Variants in PLBD2 observed in about 807,000 individuals in gnomAD.
PLBD2 encodes the protein phospholipase B domain containing 2.
A neutral mutation model predicts 68.3 loss-of-function variants in PLBD2; 51 were observed. The observed-to-expected ratio is 0.75, with a 90% CI of 0.60 to 0.94. The LOEUF (loss-of-function observed/expected upper bound fraction) is 0.94, where lower values mean the gene tolerates loss of function less well. Ranked by LOEUF, PLBD2 falls within the 40% of genes least tolerant of loss-of-function variation. PLBD2 has a pLI of 0.00. For synonymous variants in PLBD2, 314 were observed against 339.3 expected (o/e 0.93, Z 0.82); for missense variants, 729 against 792.2 (o/e 0.92, Z 0.96).
intron 1 of PLBD2, among the ~76,000 whole-genome samples, chr12:113,362,807 A>G (rs1957307127): frequency 6.7e-6 from 1 of 149,900 alleles, no homozygotes; most frequent in Admixed American, 6.7e-5. Flanking sequence ...TTTTTTTGAG[A>G]TAGAGTCTGC....
chr12:113,359,406 G>A (rs1432003964), intron 1 of PLBD2: 1 of 153,184 alleles, frequency 6.5e-6, no homozygotes, highest in Admixed American at 6.5e-5. Flanking sequence ...ACTGAACCTG[G>A]GTTCCAGGCT....
intron 5 of PLBD2, among the ~76,000 whole-genome samples, chr12:113,379,950 G>T (rs182818462): frequency 2.4e-4 from 37 of 152,308 alleles, no homozygotes; most frequent in African/African-American, 8.7e-4. Context: ...GACTCCAGGA[G>T]CCCCTGTGGA....
intron 1 of PLBD2, chr12:113,359,309 C>T (rs1400864519): frequency 6.0e-6 from 1 of 166,386 alleles, no homozygotes; most frequent in Non-Finnish European, 1.3e-5. Context: ...GATGAGAACT[C>T]AGCAGGAGAC....
Position 113,390,539 on chromosome 12 carries a change from C to G in PLBD2, c.*1913C>G, listed in dbSNP as rs897281461. The stretch of plus-strand genomic sequence containing the variant: ...TTTTTCCATCCATCTACCCATCCAC[C>G]CATTCACTCATCCATCCACCTTCCT... On this transcript the variant is annotated 3_prime_UTR_variant, in exon 12 of 12. Transcript: ENST00000280800. 3 of 151,634 alleles carry G rather than the reference C, an allele frequency of 2.0e-5. No homozygotes were observed. The highest frequency in any genetic ancestry group is 7.3e-5 in the African/African-American group (3 of 41,216). 9.4% of individuals were successfully genotyped at this position (151,634 alleles called of 1,614,324 possible).
intron 8 of PLBD2, 91 bp downstream of exon 8, chr12:113,385,037 T>A (rs927696346): frequency 7.2e-7 from 1 of 1,384,964 alleles, no homozygotes; most frequent in African/African-American, 1.4e-5. Flanking sequence ...GTGCAGGAAG[T>A]GAACGATCTC....
Position 113,358,741 on chromosome 12 carries a change from C to A in PLBD2, c.141C>A (p.Gly47=), listed in dbSNP as rs1429564599. The change falls in exon 1 of 12, where the codon GGC becomes GGA. Residue 47 remains glycine, a synonymous_variant. Coordinates refer to ENST00000280800, the MANE Select transcript of PLBD2 (RefSeq NM_173542.4). Reference sequence around the variant, plus strand: ...CGGGGGCGATCCCAGCGCCGGGGGGCCGCTGGGCGCGCGATGGGCAGGTCC... The same window carrying A: ...CGGGGGCGATCCCAGCGCCGGGGGGACGCTGGGCGCGCGATGGGCAGGTCC... ...GLAGAIPAPG[G]RWARDGQVPP... is the part of the protein sequence containing the mutation. 7.2e-7 allele frequency: 1 copy of A among 1,391,758 alleles called. No homozygotes were observed. 86.2% of individuals were successfully genotyped at this position (1,391,758 alleles called of 1,614,324 possible). A position where few individuals can be genotyped will look rare whatever the true frequency, so the allele number is the denominator to read the frequency against.
At chr12:113,385,129 C>T in intron 8 of PLBD2, 83 bp from the exon 9 acceptor site, 2 of 1,465,086 alleles carry the variant, frequency 1.4e-6, no homozygotes, top group Admixed American at 1.8e-5. Context: ...CAATGGGGAG[C>T]CATCGGGGCT....
intron 6 of PLBD2, among the ~76,000 whole-genome samples, chr12:113,382,835 T>TTTTTTTGTGTGTG (rs1335785271): frequency 1.9e-5 from 2 of 106,536 alleles, no homozygotes; most frequent in African/African-American, 7.7e-5. Context: ...TGGTGGTTTT[T>TTTTTTTGTGTGTG]TGTGTGTGTG....
rs902143606 is a variant in PLBD2 at position 113,389,597 on chromosome 12, C to G, written c.*971C>G. On this transcript the variant is annotated 3_prime_UTR_variant, in exon 12 of 12. Transcript: ENST00000280800. ...CACCCACCCATCCGTCTTCCATCATCCATCCATCCATCTACCTATCCATTT... is the reference window on the plus strand; with the variant it reads ...CACCCACCCATCCGTCTTCCATCATGCATCCATCCATCTACCTATCCATTT... 1.3e-5 allele frequency: 2 copies of G among 152,038 alleles called. No homozygotes were observed. Among genetic ancestry groups the G allele is most frequent in the African/African-American group, 2.4e-5 (1 of 41,342 alleles). 9.4% of individuals were successfully genotyped at this position (152,038 alleles called of 1,614,324 possible).
rs767569841 is a variant in PLBD2, at chr12:113,384,631, AC to A, written c.1119-218del. Among the ~76,000 whole-genome samples, 10 of 152,140 alleles carry A rather than the reference AC, an allele frequency of 6.6e-5. No individual in the cohort carries two copies. Among genetic ancestry groups the A allele is most frequent in the Non-Finnish European group, 1.0e-4 (7 of 68,014 alleles). On this transcript the variant is annotated intron_variant, in intron 7 of 11. Transcript: ENST00000280800. This position sits in a 1 kb window ranked among gnomAD's most constrained non-coding sequence, Gnocchi z 4.2. ...CTTACAGCATCCGGCAGAGGAGCTG[AC>A]CTAGGGAGCCACAGAATATTCTGGA...
chr12:113,369,058 C>T (rs1440496416), intron 1 of PLBD2, 58 bp from the exon 2 acceptor site: 14 of 1,184,830 alleles, frequency 1.2e-5, no homozygotes, highest in Non-Finnish European at 1.2e-6. Flanking sequence ...CCTGGAGATG[C>T]CATGTGTCTA....
At chr12:113,360,463 A>G (rs1331215032) in intron 1 of PLBD2, among the ~76,000 whole-genome samples, 3 of 152,284 alleles carry the variant, frequency 2.0e-5, no homozygotes, top group Admixed American at 1.3e-4. Flanking sequence ...GCTCTTGACT[A>G]TGGTAAACAT....
At chr12:113,381,793 C>T (rs978863123) in intron 6 of PLBD2, among the ~76,000 whole-genome samples, 3 of 151,588 alleles carry the variant, frequency 2.0e-5, no homozygotes, top group Non-Finnish European at 4.4e-5. Flanking sequence ...TGGCCCTCTT[C>T]TCAGAATAGT....
In PLBD2 at chr12:113,384,532, G is replaced by T. The variant is rs1957530179; in HGVS notation, c.1118+267G>T. Among the ~76,000 whole-genome samples, 1 of 152,208 alleles carries T rather than the reference G, an allele frequency of 6.6e-6. No individual in the cohort carries two copies. The highest frequency in any genetic ancestry group is 2.4e-5 in the African/African-American group (1 of 41,450). ...GACTCTCAAGGGGACAGTGGGGAGG[G>T]CTGTTTGAGGAGGTGGACGTGGGTG... is the stretch of plus-strand genomic sequence containing the variant. On this transcript the variant is annotated intron_variant, in intron 7 of 11. Transcript: ENST00000280800. This position sits in a 1 kb window ranked among gnomAD's most constrained non-coding sequence, Gnocchi z 4.2.
Position 113,372,701 on chromosome 12 carries a change from A to G in PLBD2, c.437A>G (p.Glu146Gly). Residue 146 changes from glutamate to glycine, a missense_variant, in exon 3 of 12, where the codon GAG becomes GGG. Physicochemically the swap from Glu to Gly is moderately conservative, Grantham distance 98 (BLOSUM62 -2). Transcript: ENST00000280800. The surrounding 1 kb of genome is among the most constrained non-coding windows in gnomAD (Gnocchi z 4.2). The part of the protein sequence containing the change: ...NTVVNYCGPF[E>G]YEVGYCERLK... ...GTGGTGAATTACTGCGGCCCCTTCGAGTATGAAGTCGGCTACTGCGAGAGG... is the reference window on the plus strand; with the variant it reads ...GTGGTGAATTACTGCGGCCCCTTCGGGTATGAAGTCGGCTACTGCGAGAGG... 6.2e-7 allele frequency: 1 copy of G among 1,613,972 alleles called. No individual in the cohort carries two copies. Among genetic ancestry groups the G allele is most frequent in the Non-Finnish European group, 8.5e-7 (1 of 1,179,942 alleles).
chr12:113,362,293 C>T (rs7297947), intron 1 of PLBD2, among the ~76,000 whole-genome samples: 12 of 151,616 alleles, frequency 7.9e-5, no homozygotes, highest in African/African-American at 2.9e-4. Flanking sequence ...TGCCACTGCA[C>T]TCCAGCCTGG....
At position 113,369,179 on chromosome 12, in the gene PLBD2, C is replaced by A; in HGVS notation, c.354C>A (p.Ala118=). The A allele has an allele frequency of 6.2e-7, 1 of 1,607,050 alleles. No individual in the cohort carries two copies. The highest frequency in any genetic ancestry group is 1.1e-5 in the South Asian group (1 of 89,350). Residue 118 remains alanine (A), a synonymous_variant, in exon 2 of 12, where the codon GCC becomes GCA. Coordinates refer to ENST00000280800, the MANE Select transcript of PLBD2 (RefSeq NM_173542.4). The stretch of plus-strand genomic sequence containing the variant: ...ATGACAGCTTGCAGGCCTATGCAGC[C>A]GGTGTGGTGGAGGCTGCTGTGTCGG... ...QYNDSLQAYA[A]GVVEAAVSEE...
At position 113,372,655 on chromosome 12, in the gene PLBD2, T is replaced by C; in HGVS notation, c.391T>C (p.Tyr131His). ...CCCACCCCCTACCCCACAGCTCATC[T>C]ACATGCACTGGATGAACACGGTGGT... is the stretch of plus-strand genomic sequence containing the variant. ...VEAAVSEELI[Y>H]MHWMNTVVNY... is the part of the protein sequence containing the mutation. The change falls in exon 3 of 12, where the codon TAC becomes CAC. Residue 131 changes from tyrosine to histidine, a missense_variant. Transcript: ENST00000280800. This position sits in a 1 kb window ranked among gnomAD's most constrained non-coding sequence, Gnocchi z 4.2. 1 of 1,602,660 alleles carries C rather than the reference T, an allele frequency of 6.2e-7. No individual in the cohort carries two copies. Among genetic ancestry groups the C allele is most frequent in the Middle Eastern group, 1.7e-4 (1 of 6,022 alleles).
rs180745086 is a variant in PLBD2, at chr12:113,365,259, G to A, written c.291-3857G>A. Among the ~76,000 whole-genome samples the A allele has an allele frequency of 8.1e-4, 124 of 152,184 alleles. 1 individual carries two copies. The highest frequency in any genetic ancestry group is 1.6e-3 in the Non-Finnish European group (112 of 68,032). ...CACTTCATCTAACTGTATTATGTGGGAGCCTCGGTTCCCCACATCTGTAAA... is the reference window on the plus strand; with the variant it reads ...CACTTCATCTAACTGTATTATGTGGAAGCCTCGGTTCCCCACATCTGTAAA... On this transcript the variant is annotated intron_variant, in intron 1 of 11. Coordinates refer to ENST00000280800, the MANE Select transcript of PLBD2 (RefSeq NM_173542.4).
Sources: allele counts gnomAD v4.1 joint callset (sites outside exome capture counted in the v4.1 genomes callset), GRCh38; gene constraint gnomAD v4.1.1; non-coding constraint Gnocchi (gnomAD v3.1); transcripts MANE v1.5; gene names NCBI Gene and HGNC (gene_info 2026-07-23, HGNC 2026-07-21).